KDM1A: variants seen among roughly 807,000 people sequenced by gnomAD.
KDM1A encodes the protein lysine demethylase 1A.
A neutral mutation model predicts 109.4 loss-of-function variants in KDM1A; 49 were observed. The ratio of observed to expected loss-of-function variants is 0.45; its 90% CI spans 0.36 to 0.57. KDM1A has a LOEUF of 0.57. KDM1A is among the 20% of genes least tolerant of loss of function. The probability of loss-of-function intolerance (pLI) is 0.00; values close to 1 mark genes in which losing one functional copy is unlikely to be tolerated. For synonymous variants in KDM1A, 380 were observed against 415.4 expected (o/e 0.91, Z 1.04); for missense variants, 668 against 1,116.6 (o/e 0.60, Z 5.73).
intron 15 of KDM1A, among the ~76,000 whole-genome samples, chr1:23,075,190 C>CT (rs749623100): frequency 1.3e-5 from 2 of 152,204 alleles, no homozygotes; most frequent in Admixed American, 6.5e-5. Context: ...GTGAGCAGGG[C>CT]TATACCATCT....
At chr1:23,054,011 A>T (rs1343982342) in intron 5 of KDM1A, among the ~76,000 whole-genome samples, 172 bp downstream of exon 5, 3 of 152,066 alleles carry the variant, frequency 2.0e-5, no homozygotes, top group Non-Finnish European at 4.4e-5. Context: ...CTATGTTTTT[A>T]TTCATCTTCT....
At chr1:23,031,721 T>C (rs1250565657) in intron 2 of KDM1A, among the ~76,000 whole-genome samples, 2 of 152,198 alleles carry the variant, frequency 1.3e-5, no homozygotes, top group Non-Finnish European at 2.9e-5. Flanking sequence ...AAAAATCAAA[T>C]TTATAATTTA....
intron 14 of KDM1A, among the ~76,000 whole-genome samples, chr1:23,073,040 CTTTTT>C (rs879555488): frequency 6.9e-6 from 1 of 145,266 alleles, no homozygotes; most frequent in African/African-American, 2.5e-5. Flanking sequence ...ATGAAGCATT[CTTTTT>C]TTTTTTTCCT....
chr1:23,022,624 G>GCCA (rs1344202841), intron 1 of KDM1A, among the ~76,000 whole-genome samples: 1 of 137,914 alleles, frequency 7.3e-6, no homozygotes, highest in Admixed American at 7.4e-5. Context: ...ACAGGCATGA[G>GCCA]CCACTGCGCC....
At position 23,032,115 on chromosome 1, in the gene KDM1A, CTAA is replaced by C. The variant is rs1642002253; in HGVS notation, c.517+1483_517+1485del. ...TTCTTCTACCTTTGCTGTAGACCTG[CTAA>C]TGAGATACTTGGGGATAACCCTTTT... On this transcript the variant is annotated intron_variant, in intron 2 of 20. Coordinates refer to ENST00000400181, the MANE Select transcript of KDM1A (RefSeq NM_001009999.3). Among the ~76,000 whole-genome samples the C allele has an allele frequency of 1.3e-5, 2 of 152,052 alleles. 1 individual carries two copies. Among genetic ancestry groups the C allele is most frequent in the South Asian group, 4.2e-4 (2 of 4,810 alleles).
chr1:23,042,228 T>A (rs1179079825), intron 2 of KDM1A, among the ~76,000 whole-genome samples: 1 of 152,096 alleles, frequency 6.6e-6, no homozygotes, highest in African/African-American at 2.4e-5. Context: ...GTCACTTTTA[T>A]TTTTGCCAAG....
chr1:23,064,105 TCTC>T (rs1457041727), intron 9 of KDM1A, among the ~76,000 whole-genome samples: 2 of 152,198 alleles, frequency 1.3e-5, no homozygotes, highest in African/African-American at 4.8e-5. Flanking sequence ...CCCAGGCTGG[TCTC>T]AAACTCCTGG....
rs1367946924 is a variant in KDM1A at position 23,079,504 on chromosome 1, G to C, written c.2056-49G>C. 7.2e-7 allele frequency: 1 copy of C among 1,393,296 alleles called. No homozygotes were observed. The highest frequency in any genetic ancestry group is 1.0e-6 in the Non-Finnish European group (1 of 988,530). The allele number at this position is 1,393,296 out of a possible 1,614,324, so 86.3% of individuals were successfully genotyped here. A position where few individuals can be genotyped will look rare whatever the true frequency, so the allele number is the denominator to read the frequency against. On this transcript the variant is annotated intron_variant, in intron 17 of 20. Coordinates refer to ENST00000400181, the MANE Select transcript of KDM1A (RefSeq NM_001009999.3). The surrounding 1 kb of genome is among the most constrained non-coding windows in gnomAD (Gnocchi z 5.6). ...ACTTTAAGGAAGTCTGTTGAAGCCA[G>C]TATTATCTGGCCCCTGTCACTGGCT...
At chr1:23,064,484 T>C (rs146087982) in intron 9 of KDM1A, among the ~76,000 whole-genome samples, 47 of 152,352 alleles carry the variant, frequency 3.1e-4, no homozygotes, top group African/African-American at 9.9e-4. Context: ...TGGCTAAATC[T>C]CAGAACTTTG....
intron 16 of KDM1A, among the ~76,000 whole-genome samples, chr1:23,077,752 C>T (rs1398470668): frequency 2.0e-5 from 3 of 152,044 alleles, no homozygotes; most frequent in African/African-American, 7.3e-5. Flanking sequence ...TCATAAATAC[C>T]AGGATTTTGG....
rs1450596096 is a variant in KDM1A, at chr1:23,072,249, A to G, written c.1622+52A>G. ...GAGGGAGAGCTTTTACTGTTCTTTCAGCTTGATTTGGAAGGAAAATTCTAA... is the reference window on the plus strand; with the variant it reads ...GAGGGAGAGCTTTTACTGTTCTTTCGGCTTGATTTGGAAGGAAAATTCTAA... On this transcript the variant is annotated intron_variant, in intron 14 of 20. Transcript: ENST00000400181. The G allele has an allele frequency of 3.0e-6, 4 of 1,318,442 alleles. No individual in the cohort carries two copies. The African/African-American group carries it at 4.4e-5, about 14-fold the overall frequency. The allele number at this position is 1,318,442 out of a possible 1,614,324, so 81.7% of individuals were successfully genotyped here. A position where few individuals can be genotyped will look rare whatever the true frequency, so the allele number is the denominator to read the frequency against.
At chr1:23,077,087 C>A in intron 15 of KDM1A, 141 bp from the exon 16 acceptor site, 1 of 686,410 alleles carries the variant, frequency 1.5e-6, no homozygotes, top group Non-Finnish European at 2.3e-6. Context: ...TAGCTAAATA[C>A]TGAGTGATTT....
intron 4 of KDM1A, among the ~76,000 whole-genome samples, chr1:23,052,381 A>T (rs1642699343): frequency 6.6e-6 from 1 of 152,184 alleles, no homozygotes; most frequent in East Asian, 1.9e-4. Flanking sequence ...CCCAGTGTGT[A>T]CTTGAGGAAA....
intron 2 of KDM1A, among the ~76,000 whole-genome samples, chr1:23,039,027 T>G (rs138604926): frequency 1.3e-5 from 2 of 152,346 alleles, no homozygotes; most frequent in African/African-American, 4.8e-5. Context: ...ACTGTGACTT[T>G]CCTTATGTTC....
intron 2 of KDM1A, among the ~76,000 whole-genome samples, chr1:23,037,219 AC>A (rs1266081677): frequency 6.6e-6 from 1 of 151,280 alleles, no homozygotes; most frequent in Non-Finnish European, 1.5e-5. Context: ...TACCAGAATC[AC>A]TTGAACCGGA....
At chr1:23,057,347 A>G in intron 7 of KDM1A, 137 bp from the exon 8 acceptor site, 1 of 646,744 alleles carries the variant, frequency 1.5e-6, no homozygotes, top group Non-Finnish European at 2.8e-6. Flanking sequence ...TTGTGCCCAT[A>G]GTACTGTTGA....
chr1:23,078,640 G>A (rs1258337608), intron 16 of KDM1A, among the ~76,000 whole-genome samples: 2 of 152,170 alleles, frequency 1.3e-5, no homozygotes, highest in Non-Finnish European at 2.9e-5. Flanking sequence ...GTTCTATTGG[G>A]ATGAGCACTT....
chr1:23,081,267 G>A, intron 18 of KDM1A, 179 bp from the exon 19 acceptor site: 1 of 645,988 alleles, frequency 1.5e-6, no homozygotes, highest in Non-Finnish European at 2.5e-6. Flanking sequence ...GCTGGTGTCT[G>A]GCGACAAAGA....
At chr1:23,077,608 T>A (rs1184771361) in intron 16 of KDM1A, among the ~76,000 whole-genome samples, 2 of 152,208 alleles carry the variant, frequency 1.3e-5, no homozygotes, top group Non-Finnish European at 2.9e-5. Flanking sequence ...ATATTACTGG[T>A]CGAGCATCCC....
Sources: allele counts gnomAD v4.1 joint callset (sites outside exome capture counted in the v4.1 genomes callset), GRCh38; gene constraint gnomAD v4.1.1; non-coding constraint Gnocchi (gnomAD v3.1); transcripts MANE v1.5; gene names NCBI Gene and HGNC (gene_info 2026-07-23, HGNC 2026-07-21).